Variants in GRID1 observed in about 807,000 individuals in gnomAD.
The protein encoded by GRID1 is glutamate ionotropic receptor delta type subunit 1, also known as glutamate receptor ionotropic, delta-1.
In GRID1, 28 loss-of-function variants were observed where a neutral mutation model predicts 98.0. The observed-to-expected ratio is 0.29, with a 90% CI of 0.21 to 0.39. The LOEUF (loss-of-function observed/expected upper bound fraction) is 0.39. Among genes scored for constraint, GRID1 ranks in the 10% least tolerant of loss-of-function variants. The pLI is 1.00. For synonymous variants in GRID1, 553 were observed against 538.5 expected, an observed-to-expected ratio of 1.03 and a Z score of -0.37; for missense variants, 1,111 against 1,340.5, an observed-to-expected ratio of 0.83 and a Z score of 2.67.
rs1842480276 is a variant in GRID1, at chr10:85,791,620, G to A, written c.1234-62006C>T. Among the ~76,000 whole-genome samples, 4 of 152,238 alleles carry A rather than the reference G, an allele frequency of 2.6e-5. No individual in the cohort carries two copies. In the South Asian group the frequency reaches 8.3e-4, roughly 32 times the overall value. On this transcript the variant is annotated intron_variant, in intron 8 of 15. Coordinates refer to ENST00000327946, the MANE Select transcript of GRID1 (RefSeq NM_017551.3). ...CAGAATGTCCCCAAATCATGAGTAA[G>A]GGAGGGAGAAGCCAGCATGGGGAGA...
At chr10:85,678,469 G>C (rs1233067709) in intron 12 of GRID1, among the ~76,000 whole-genome samples, 1 of 152,050 alleles carries the variant, frequency 6.6e-6, no homozygotes, top group Admixed American at 6.5e-5. Flanking sequence ...GGGAAGAGTG[G>C]ACTTCCCCAA....
chr10:85,854,469 T>C (rs991437010), intron 8 of GRID1, 27 bp downstream of exon 8: 12 of 1,611,828 alleles, frequency 7.4e-6, no homozygotes, highest in Admixed American at 3.3e-5. Flanking sequence ...AGCAGGAAGA[T>C]TGGAAGACAG....
intron 12 of GRID1, 40 bp from the exon 13 acceptor site, chr10:85,647,437 T>G: frequency 1.4e-6 from 2 of 1,476,880 alleles, no homozygotes; most frequent in Non-Finnish European, 9.4e-7. Flanking sequence ...GTACATGCTG[T>G]GCATTGCACA....
intron 2 of GRID1, among the ~76,000 whole-genome samples, chr10:86,242,261 A>G (rs771785807): frequency 1.3e-4 from 20 of 152,238 alleles, no homozygotes; most frequent in African/African-American, 4.1e-4. Flanking sequence ...ACATACGAAG[A>G]TCGGAGGAGG....
intron 3 of GRID1, among the ~76,000 whole-genome samples, chr10:86,178,466 G>T (rs1845609031): frequency 6.6e-6 from 1 of 152,050 alleles, no homozygotes; most frequent in East Asian, 1.9e-4. Context: ...ACGGTGCTGG[G>T]TTATTAGTGA....
chr10:85,746,128 T>C (rs531848807), intron 8 of GRID1, among the ~76,000 whole-genome samples: 5 of 152,314 alleles, frequency 3.3e-5, no homozygotes, highest in South Asian at 2.1e-4. Context: ...TTTGTCTCTT[T>C]GGATTTAGGT....
chr10:86,162,136 T>C (rs1212959085), intron 3 of GRID1, among the ~76,000 whole-genome samples: 1 of 152,210 alleles, frequency 6.6e-6, no homozygotes, highest in African/African-American at 2.4e-5. Context: ...AATGAATATG[T>C]ATAAATGTGT....
chr10:85,621,452 T>A (rs1025222235), intron 13 of GRID1, among the ~76,000 whole-genome samples: 2 of 152,112 alleles, frequency 1.3e-5, no homozygotes, highest in Admixed American at 1.3e-4. Context: ...TAGTCAAGAT[T>A]TTATTTCTTT....
At chr10:86,219,596 G>A (rs1846224318) in intron 2 of GRID1, among the ~76,000 whole-genome samples, 1 of 152,184 alleles carries the variant, frequency 6.6e-6, no homozygotes, top group Non-Finnish European at 1.5e-5. Flanking sequence ...CTGGTCACGT[G>A]TGGCCCCCCG....
At chr10:85,662,763 A>G (rs1840980451) in intron 12 of GRID1, among the ~76,000 whole-genome samples, 1 of 152,176 alleles carries the variant, frequency 6.6e-6, no homozygotes, top group Non-Finnish European at 1.5e-5. Flanking sequence ...TGCCGCCATG[A>G]AAAGGTTCTC....
chr10:85,887,940 T>G (rs1841140311), intron 5 of GRID1, among the ~76,000 whole-genome samples: 1 of 152,080 alleles, frequency 6.6e-6, no homozygotes, highest in Non-Finnish European at 1.5e-5. Flanking sequence ...GCAGCCCTTT[T>G]TCTGCCCTTC....
chr10:85,657,319 A>G (rs1046212552), intron 12 of GRID1, among the ~76,000 whole-genome samples: 2 of 152,070 alleles, frequency 1.3e-5, no homozygotes, highest in African/African-American at 4.8e-5. Flanking sequence ...TTTTTGCTGT[A>G]TCACCAGTGC....
At chr10:86,122,122 A>T (rs1261019900) in intron 4 of GRID1, among the ~76,000 whole-genome samples, 1 of 152,088 alleles carries the variant, frequency 6.6e-6, no homozygotes, top group African/African-American at 2.4e-5. Context: ...TTACTAACCT[A>T]CTCCAAGCCA....
chr10:85,925,160 T>C (rs2131829297), intron 4 of GRID1, among the ~76,000 whole-genome samples: 1 of 152,300 alleles, frequency 6.6e-6, no homozygotes, highest in African/African-American at 2.4e-5. Flanking sequence ...TTTTAATCAA[T>C]GGTCCATAAT....
intron 4 of GRID1, among the ~76,000 whole-genome samples, chr10:86,111,511 C>A (rs1277584502): frequency 6.6e-6 from 1 of 152,166 alleles, no homozygotes; most frequent in Admixed American, 6.5e-5. Flanking sequence ...CTGAAAGATA[C>A]CTGTATGTAT....
rs140136466 is a variant in GRID1, at chr10:86,344,699, AG to A, written c.235+19241del. On this transcript the variant is annotated intron_variant, in intron 2 of 15. Coordinates refer to ENST00000327946, the MANE Select transcript of GRID1 (RefSeq NM_017551.3). The stretch of plus-strand genomic sequence containing the variant: ...TGAATTTTACCATTAGGTCATTCTA[AG>A]AAGTCTAGCAGAATTTGGGTCTCTA... Among the ~76,000 whole-genome samples the A allele has an allele frequency of 5.6e-3, 857 of 152,382 alleles. 7 individuals carry two copies. Among genetic ancestry groups the A allele is most frequent in the African/African-American group, 0.02 (812 of 41,592 alleles).
At chr10:86,102,207 G>T (rs1462951448) in intron 4 of GRID1, among the ~76,000 whole-genome samples, 1 of 152,224 alleles carries the variant, frequency 6.6e-6, no homozygotes, top group Admixed American at 6.5e-5. Flanking sequence ...GGCCACTCTG[G>T]CTGCCTCAGA....
At chr10:86,013,513 A>G (rs1045030993) in intron 4 of GRID1, among the ~76,000 whole-genome samples, 6 of 152,236 alleles carry the variant, frequency 3.9e-5, no homozygotes, top group Admixed American at 2.0e-4. Flanking sequence ...GATCAAATCA[A>G]TACAGACCCT....
At chr10:85,767,796 C>G (rs1015995436) in intron 8 of GRID1, among the ~76,000 whole-genome samples, 8 of 152,160 alleles carry the variant, frequency 5.3e-5, no homozygotes, top group African/African-American at 1.9e-4. Context: ...GCACCCATCC[C>G]GTCCTGATGC....
Sources: allele counts gnomAD v4.1 joint callset (sites outside exome capture counted in the v4.1 genomes callset), GRCh38; gene constraint gnomAD v4.1.1; transcripts MANE v1.5; gene names NCBI Gene and HGNC (gene_info 2026-07-23, HGNC 2026-07-21).